IL1RAPL1: variants seen among roughly 807,000 people sequenced by gnomAD.
IL1RAPL1 encodes interleukin-1 receptor accessory protein-like 1.
In IL1RAPL1, 3 loss-of-function variants were observed where a neutral mutation model predicts 48.4. The observed-to-expected ratio is 0.06, with a 90% confidence interval of 0.03 to 0.16. The LOEUF is 0.16. IL1RAPL1 is among the 10% of genes least tolerant of loss of function. The pLI is 1.00. For missense variants in IL1RAPL1, 349 were observed against 530.6 expected (o/e 0.66, Z 3.36); for synonymous variants, 185 against 187.7 (o/e 0.99, Z 0.12).
At position 29,073,613 on chromosome X, in the gene IL1RAPL1, A is replaced by C. The variant is rs181386713; in HGVS notation, c.83-209325A>C. Among the ~76,000 whole-genome samples, 518 of 111,651 alleles carry C rather than the reference A, an allele frequency of 4.6e-3. 2 individuals carry two copies. The highest frequency in any genetic ancestry group is 7.0e-3 in the Non-Finnish European group (370 of 53,102). ...TCATATTACCTTGTAATGATAAGAC[A>C]TCCATATACTGTCTGATTCTTCAAA... On this transcript the variant is annotated intron_variant, in intron 2 of 10. Coordinates refer to ENST00000378993, the MANE Select transcript of IL1RAPL1 (RefSeq NM_014271.4).
At chrX:29,893,886 T>C (rs1196877494) in intron 6 of IL1RAPL1, among the ~76,000 whole-genome samples, 1 of 111,566 alleles carries the variant, frequency 9.0e-6, no homozygotes, top group Non-Finnish European at 1.9e-5. Context: ...TCAACATAAG[T>C]GTGAATTTGT....
At chrX:29,393,159 T>C (rs1019243430) in intron 3 of IL1RAPL1, among the ~76,000 whole-genome samples, 41 of 68,306 alleles carry the variant, frequency 6.0e-4, no homozygotes, top group Non-Finnish European at 1.2e-3. Flanking sequence ...GGAGTCTCGC[T>C]CTGTCGCCCA....
At chrX:29,119,876 C>T (rs1201821827) in intron 2 of IL1RAPL1, among the ~76,000 whole-genome samples, 1 of 111,478 alleles carries the variant, frequency 9.0e-6, no homozygotes, top group Non-Finnish European at 1.9e-5. Flanking sequence ...AAAGTCTGCC[C>T]TTAGGAGAAA....
At chrX:29,345,218 C>CA (rs1242535845) in intron 3 of IL1RAPL1, among the ~76,000 whole-genome samples, 1 of 111,941 alleles carries the variant, frequency 8.9e-6, no homozygotes, top group Non-Finnish European at 1.9e-5. Flanking sequence ...TCAAAGGGTA[C>CA]AGGCATCATG....
intron 5 of IL1RAPL1, among the ~76,000 whole-genome samples, chrX:29,479,667 C>T (rs1473749341): frequency 9.1e-6 from 1 of 109,388 alleles, no homozygotes; most frequent in Non-Finnish European, 1.9e-5. Flanking sequence ...CCCTCACCCG[C>T]CTCCCAACGT....
intron 6 of IL1RAPL1, among the ~76,000 whole-genome samples, chrX:29,689,120 C>T (rs1422733033): frequency 1.8e-5 from 2 of 111,740 alleles, no homozygotes; most frequent in Non-Finnish European, 3.8e-5. Flanking sequence ...ACAAGTGGAT[C>T]AATGATTATA....
chrX:29,030,638 T>G (rs1432155094), intron 2 of IL1RAPL1, among the ~76,000 whole-genome samples: 1 of 111,706 alleles, frequency 9.0e-6, no homozygotes, highest in East Asian at 2.8e-4. Flanking sequence ...ATTTCAAATC[T>G]CCTATCAGGG....
rs776488707 is a variant in IL1RAPL1 at position 29,008,221 on chromosome X, G to T, written c.82+218796G>T. On this transcript the variant is annotated intron_variant, in intron 2 of 10. Transcript: ENST00000378993. ...GTCTCACTCTATCGCCCAGGCTGGA[G>T]TGCAGTGGCGTGATCTCGGCTCACT... Among the ~76,000 whole-genome samples the T allele has an allele frequency of 3.7e-5, 4 of 109,582 alleles. No individual in the cohort carries two copies. In the South Asian group the frequency reaches 1.6e-3, roughly 44 times the overall value.
intron 2 of IL1RAPL1, among the ~76,000 whole-genome samples, chrX:28,896,884 T>A (rs1922932921): frequency 9.0e-6 from 1 of 110,636 alleles, no homozygotes; most frequent in African/African-American, 3.3e-5. Flanking sequence ...GTTTGCCCAT[T>A]TTACGACAAG....
At chrX:29,258,276 G>A (rs1416102602) in intron 2 of IL1RAPL1, among the ~76,000 whole-genome samples, 1 of 110,664 alleles carries the variant, frequency 9.0e-6, no homozygotes, top group Non-Finnish European at 1.9e-5. Flanking sequence ...ATAACATATC[G>A]AACAATTTAA....
intron 3 of IL1RAPL1, among the ~76,000 whole-genome samples, chrX:29,391,611 C>A (rs1933854092): frequency 9.0e-6 from 1 of 111,044 alleles, no homozygotes; most frequent in Non-Finnish European, 1.9e-5. Flanking sequence ...TCATTAAAGT[C>A]CTGAAGAAAA....
rs560263784 is a variant in IL1RAPL1 at position 29,500,040 on chromosome X, G to C, written c.703+100732G>C. ...GCCCAGACCTGGAGTGCAGTGGCAC[G>C]ATCTTGGCTCACTGCAACCTCTGCC... On this transcript the variant is annotated intron_variant, in intron 5 of 10. Transcript: ENST00000378993. 3.7e-5 allele frequency among the ~76,000 whole-genome samples: 4 copies of C among 109,317 alleles called. No homozygotes were observed. In the South Asian group the frequency reaches 1.2e-3, roughly 33 times the overall value. The allele number at this position is 109,317 out of a possible 115,157, so 94.9% of individuals were successfully genotyped here. A position where few individuals can be genotyped will look rare whatever the true frequency, so the allele number is the denominator to read the frequency against.
intron 5 of IL1RAPL1, among the ~76,000 whole-genome samples, chrX:29,506,800 C>T (rs763303935): frequency 1.8e-5 from 2 of 109,530 alleles, no homozygotes; most frequent in African/African-American, 3.3e-5. Flanking sequence ...TGGCTGTCCT[C>T]GGGGATATTT....
rs1417995395 is a variant in IL1RAPL1, at chrX:29,507,905, T to TG, written c.703+108597_703+108598insG. Among the ~76,000 whole-genome samples the TG allele has an allele frequency of 3.6e-5, 4 of 111,790 alleles. No individual in the cohort carries two copies. The South Asian group carries it at 1.5e-3, about 42-fold the overall frequency. ...TTTTCATTTACTTTTTTTTTGGACT[T>TG]AGCTTTTGTGGTAGAAACCACATGA... On this transcript the variant is annotated intron_variant, in intron 5 of 10. Coordinates refer to ENST00000378993, the MANE Select transcript of IL1RAPL1 (RefSeq NM_014271.4).
intron 5 of IL1RAPL1, among the ~76,000 whole-genome samples, chrX:29,400,212 T>C (rs1316328130): frequency 8.9e-6 from 1 of 111,920 alleles, no homozygotes; most frequent in Non-Finnish European, 1.9e-5. Context: ...AACTCACTAG[T>C]CACATAGGTT....
At chrX:28,693,898 T>C (rs1019181327) in intron 1 of IL1RAPL1, among the ~76,000 whole-genome samples, 1 of 111,996 alleles carries the variant, frequency 8.9e-6, no homozygotes, top group African/African-American at 3.2e-5. Context: ...TATTCAATTA[T>C]ATAAGACAAG....
chrX:28,890,379 C>T (rs1475058362), intron 2 of IL1RAPL1, among the ~76,000 whole-genome samples: 1 of 111,311 alleles, frequency 9.0e-6, no homozygotes, highest in African/African-American at 3.3e-5. Flanking sequence ...TCAAGAGAGA[C>T]ATGAGGAGTT....
chrX:28,936,273 T>C (rs1371321628), intron 2 of IL1RAPL1, among the ~76,000 whole-genome samples: 3 of 111,008 alleles, frequency 2.7e-5, no homozygotes, highest in Non-Finnish European at 5.7e-5. Flanking sequence ...AAAAATAGCA[T>C]ACAGAACATT....
intron 6 of IL1RAPL1, among the ~76,000 whole-genome samples, chrX:29,744,039 C>T (rs1243716349): frequency 1.8e-5 from 2 of 111,784 alleles, no homozygotes; most frequent in African/African-American, 3.2e-5. Context: ...CATCAAGCAG[C>T]GCCATCACTG....
Sources: allele counts gnomAD v4.1 joint callset (sites outside exome capture counted in the v4.1 genomes callset), GRCh38; gene constraint gnomAD v4.1.1; transcripts MANE v1.5; gene names NCBI Gene and HGNC (gene_info 2026-07-23, HGNC 2026-07-21).